Variants in NRXN3 observed in about 807,000 individuals in gnomAD.
NRXN3 encodes the protein neurexin 3, also known as neurexin III.
A neutral mutation model predicts 137.6 loss-of-function variants in NRXN3; 32 were observed. The observed-to-expected ratio is 0.23, with a 90% confidence interval of 0.18 to 0.31. The LOEUF is 0.31. Among genes scored for constraint, NRXN3 ranks in the 10% least tolerant of loss-of-function variants. The pLI is 1.00. For missense variants in NRXN3, 1,574 were observed against 2,062.5 expected (o/e 0.76, Z 4.59); for synonymous variants, 798 against 784.5 (o/e 1.02, Z -0.29).
chr14:79,827,482 T>G (rs1248729491), intron 20 of NRXN3, among the ~76,000 whole-genome samples: 1 of 152,280 alleles, frequency 6.6e-6, no homozygotes, highest in African/African-American at 2.4e-5. Flanking sequence ...TGTTAGGCTA[T>G]TCTTGCATTG....
At chr14:78,389,626 A>G (rs554152277) in intron 4 of NRXN3, among the ~76,000 whole-genome samples, 100 of 152,106 alleles carry the variant, frequency 6.6e-4, no homozygotes, top group Admixed American at 1.0e-3. Context: ...TGAGCTTTTA[A>G]TTGATTAATA....
intron 8 of NRXN3, among the ~76,000 whole-genome samples, chr14:78,730,159 A>T (rs1339199673): frequency 6.6e-6 from 1 of 152,180 alleles, no homozygotes; most frequent in Non-Finnish European, 1.5e-5. Flanking sequence ...AGTGTTGCTT[A>T]AAGTGGACAG....
At chr14:79,495,909 T>C (rs367798733) in intron 16 of NRXN3, among the ~76,000 whole-genome samples, 3 of 151,496 alleles carry the variant, frequency 2.0e-5, no homozygotes, top group East Asian at 3.9e-4. Context: ...ATTTATTTTA[T>C]GTTTAAAAGG....
chr14:78,889,313 G>A (rs758763674), intron 10 of NRXN3, among the ~76,000 whole-genome samples: 25 of 151,882 alleles, frequency 1.6e-4, no homozygotes, highest in Non-Finnish European at 1.2e-4. Flanking sequence ...TTCCTAAGTG[G>A]TTCCATCTTT....
chr14:78,728,741 A>G (rs1221699036), intron 8 of NRXN3, among the ~76,000 whole-genome samples: 1 of 152,084 alleles, frequency 6.6e-6, no homozygotes, highest in African/African-American at 2.4e-5. Flanking sequence ...TACTAAAAAT[A>G]CCAAAAAAAT....
chr14:78,746,479 T>A (rs2098607846), intron 8 of NRXN3, among the ~76,000 whole-genome samples: 1 of 152,136 alleles, frequency 6.6e-6, no homozygotes, highest in South Asian at 2.1e-4. Context: ...CACTACTCTG[T>A]GAGATTTAGG....
intron 10 of NRXN3, among the ~76,000 whole-genome samples, chr14:78,867,220 T>C (rs1473077085): frequency 2.0e-5 from 3 of 152,160 alleles, no homozygotes; most frequent in African/African-American, 7.2e-5. Context: ...CACAATCCAG[T>C]GGAGGTATTT....
At chr14:79,752,872 G>GA (rs925445224) in intron 19 of NRXN3, among the ~76,000 whole-genome samples, 12 of 151,394 alleles carry the variant, frequency 7.9e-5, no homozygotes, top group South Asian at 4.2e-4. Flanking sequence ...AAATTTACAG[G>GA]AAAAAAAACA....
At chr14:78,563,323 G>T (rs1030709367) in intron 4 of NRXN3, among the ~76,000 whole-genome samples, 3 of 152,170 alleles carry the variant, frequency 2.0e-5, no homozygotes, top group Non-Finnish European at 4.4e-5. Context: ...ATGGTTTATT[G>T]GGGGGCTATC....
intron 4 of NRXN3, among the ~76,000 whole-genome samples, chr14:78,641,804 C>T (rs1334099892): frequency 2.0e-5 from 3 of 152,166 alleles, no homozygotes; most frequent in Non-Finnish European, 2.9e-5. Flanking sequence ...AAATCTTCTT[C>T]GGTATAGTTG....
chr14:79,530,104 G>C (rs1349975760), intron 16 of NRXN3, among the ~76,000 whole-genome samples: 2 of 152,030 alleles, frequency 1.3e-5, no homozygotes, highest in Non-Finnish European at 2.9e-5. Flanking sequence ...ATGTTTAGGA[G>C]GTCCCTGAGT....
rs1002219118 is a variant in NRXN3, at chr14:78,459,757, A to G, written c.757+161897A>G. ...CACTTTCTCGTACTATATATTCACAACACAGTACTTCTGTGACCCCTGGCC... is the reference window on the plus strand; with the variant it reads ...CACTTTCTCGTACTATATATTCACAGCACAGTACTTCTGTGACCCCTGGCC... On this transcript the variant is annotated intron_variant, in intron 4 of 20. Transcript: ENST00000335750. Among the ~76,000 whole-genome samples, 9 of 152,238 alleles carry G rather than the reference A, an allele frequency of 5.9e-5. 1 individual carries two copies. The East Asian group carries it at 9.6e-4, about 16-fold the overall frequency.
chr14:79,272,599 G>T (rs2079521048), intron 15 of NRXN3, among the ~76,000 whole-genome samples: 1 of 152,268 alleles, frequency 6.6e-6, no homozygotes, highest in Admixed American at 6.5e-5. Context: ...ATAGGAAAGA[G>T]AAGTCACTAG....
Position 78,446,003 on chromosome 14 carries a change from T to C in NRXN3, c.757+148143T>C, listed in dbSNP as rs143843141. Among the ~76,000 whole-genome samples, 10 of 152,248 alleles carry C rather than the reference T, an allele frequency of 6.6e-5. No individual in the cohort carries two copies. In the East Asian group the frequency reaches 1.9e-3, roughly 29 times the overall value. On this transcript the variant is annotated intron_variant, in intron 4 of 20. Transcript: ENST00000335750. ...AGTGGCAGGCAAGCCTAGCTATTCATTGGCTCACAGCTTCGGCATAGACCC... is the reference window on the plus strand; with the variant it reads ...AGTGGCAGGCAAGCCTAGCTATTCACTGGCTCACAGCTTCGGCATAGACCC...
chr14:79,148,727 C>T (rs975355929), intron 15 of NRXN3, among the ~76,000 whole-genome samples: 6 of 152,152 alleles, frequency 3.9e-5, no homozygotes, highest in Non-Finnish European at 7.4e-5. Flanking sequence ...AAATAGCTTT[C>T]CTTGCAATCA....
intron 10 of NRXN3, among the ~76,000 whole-genome samples, chr14:78,881,877 G>C (rs1386128763): frequency 6.6e-6 from 1 of 151,574 alleles, no homozygotes; most frequent in Non-Finnish European, 1.5e-5. Context: ...TCCAGGGCAT[G>C]TCAGAGACCA....
At chr14:79,826,142 C>T (rs1004305007) in intron 20 of NRXN3, among the ~76,000 whole-genome samples, 1 of 152,190 alleles carries the variant, frequency 6.6e-6, no homozygotes. Flanking sequence ...ATTACAGGCA[C>T]CTGCTACCAT....
intron 10 of NRXN3, among the ~76,000 whole-genome samples, chr14:78,832,503 G>C (rs547936101): frequency 6.6e-6 from 1 of 152,224 alleles, no homozygotes; most frequent in South Asian, 2.1e-4. Flanking sequence ...GTGTAGCTTA[G>C]TTCTCTTGCT....
chr14:78,733,936 G>A (rs2098528828), intron 8 of NRXN3, among the ~76,000 whole-genome samples: 1 of 152,156 alleles, frequency 6.6e-6, no homozygotes, highest in African/African-American at 2.4e-5. Context: ...GATTGAACAT[G>A]AAGTCTATTG....
Sources: allele counts gnomAD v4.1 joint callset (sites outside exome capture counted in the v4.1 genomes callset), GRCh38; gene constraint gnomAD v4.1.1; transcripts MANE v1.5; gene names NCBI Gene and HGNC (gene_info 2026-07-23, HGNC 2026-07-21).